The following UNC5D variants were observed in gnomAD, a reference collection of about 807,000 sequenced individuals.
UNC5D encodes netrin receptor UNC5D.
UNC5D carries 39 observed loss-of-function variants against 105.4 expected under a neutral mutation model. That is an observed-to-expected ratio of 0.37 (90% CI 0.29 to 0.48). The LOEUF (loss-of-function observed/expected upper bound fraction) is 0.48. UNC5D is among the 20% of genes least tolerant of loss of function. The probability of loss-of-function intolerance (pLI) is 0.98; values close to 1 mark genes in which losing one functional copy is unlikely to be tolerated. For synonymous variants in UNC5D, 452 were observed against 450.4 expected, an observed-to-expected ratio of 1.00 and a Z score of -0.04; for missense variants, 991 against 1,202.4, an observed-to-expected ratio of 0.82 and a Z score of 2.60.
At chr8:35,554,792 T>A (rs1322117642) in intron 2 of UNC5D, among the ~76,000 whole-genome samples, 1 of 152,188 alleles carries the variant, frequency 6.6e-6, no homozygotes, top group East Asian at 1.9e-4. Flanking sequence ...AGTGAAATAA[T>A]GTGTATTCCA....
Position 35,274,941 on chromosome 8 carries a change from A to G in UNC5D, c.103+39054A>G, listed in dbSNP as rs543336850. Among the ~76,000 whole-genome samples, 96 of 152,030 alleles carry G rather than the reference A, an allele frequency of 6.3e-4. 1 individual carries two copies. Among genetic ancestry groups the G allele is most frequent in the African/African-American group, 2.2e-3 (91 of 41,500 alleles). Reference sequence around the variant, plus strand: ...CCCGTCTCTCCTAAAAATACAAAAAATTGGCTGGGCGTAGTGGCAGGTGCC... The same window carrying G: ...CCCGTCTCTCCTAAAAATACAAAAAGTTGGCTGGGCGTAGTGGCAGGTGCC... On this transcript the variant is annotated intron_variant, in intron 1 of 16. Coordinates refer to ENST00000404895, the MANE Select transcript of UNC5D (RefSeq NM_080872.4).
chr8:35,358,929 G>A (rs1801708371), intron 1 of UNC5D, among the ~76,000 whole-genome samples: 2 of 152,294 alleles, frequency 1.3e-5, no homozygotes, highest in East Asian at 1.9e-4. Flanking sequence ...TTAAGAATTG[G>A]TATATTTAAA....
intron 16 of UNC5D, among the ~76,000 whole-genome samples, chr8:35,777,687 A>C (rs1253421157): frequency 6.6e-6 from 1 of 152,206 alleles, no homozygotes; most frequent in East Asian, 1.9e-4. Flanking sequence ...TCTGTAAACA[A>C]ATAGATATGA....
At chr8:35,763,889 C>G (rs928975262) in intron 14 of UNC5D, among the ~76,000 whole-genome samples, 8 of 152,124 alleles carry the variant, frequency 5.3e-5, no homozygotes, top group African/African-American at 1.2e-4. Context: ...TGTGGTCTCC[C>G]AAGCAAAGGA....
At chr8:35,624,998 A>G (rs1014427980) in intron 4 of UNC5D, among the ~76,000 whole-genome samples, 2 of 152,110 alleles carry the variant, frequency 1.3e-5, no homozygotes. Context: ...TTGAACATGC[A>G]TATGTGTGTG....
chr8:35,361,173 G>A (rs1035261080), intron 1 of UNC5D, among the ~76,000 whole-genome samples: 3 of 152,066 alleles, frequency 2.0e-5, no homozygotes, highest in African/African-American at 7.2e-5. Context: ...CTAATGAAAT[G>A]GGAAGAGCTT....
chr8:35,621,991 C>T (rs1038190469), intron 4 of UNC5D, among the ~76,000 whole-genome samples: 1 of 152,210 alleles, frequency 6.6e-6, no homozygotes, highest in Non-Finnish European at 1.5e-5. Context: ...GGAGATACTA[C>T]TGTTCCTACT....
chr8:35,468,094 T>C (rs1462642151), intron 1 of UNC5D, among the ~76,000 whole-genome samples: 1 of 152,198 alleles, frequency 6.6e-6, no homozygotes, highest in Non-Finnish European at 1.5e-5. Context: ...ATGAATTAGA[T>C]AAATTTCTCA....
rs760838455 is a variant in UNC5D at position 35,322,488 on chromosome 8, T to C, written c.103+86601T>C. On this transcript the variant is annotated intron_variant, in intron 1 of 16. Coordinates refer to ENST00000404895, the MANE Select transcript of UNC5D (RefSeq NM_080872.4). ...GCATGTGCTTTGAGTCCATCTCTTC[T>C]ACCTACAGTCTCATGTTCCTTGTGT... Among the ~76,000 whole-genome samples, 8 of 152,178 alleles carry C rather than the reference T, an allele frequency of 5.3e-5. No individual in the cohort carries two copies. In the South Asian group the frequency reaches 6.2e-4, roughly 12 times the overall value.
At chr8:35,414,849 G>C (rs1428687857) in intron 1 of UNC5D, among the ~76,000 whole-genome samples, 2 of 151,980 alleles carry the variant, frequency 1.3e-5, no homozygotes, top group Non-Finnish European at 2.9e-5. Flanking sequence ...TTCTTTTTCA[G>C]TCCCAGTAGT....
At chr8:35,776,720 C>G (rs148612412) in intron 16 of UNC5D, among the ~76,000 whole-genome samples, 2 of 152,254 alleles carry the variant, frequency 1.3e-5, no homozygotes, top group Admixed American at 1.3e-4. Context: ...ACAGAGAACC[C>G]AGAATATGTA....
intron 1 of UNC5D, among the ~76,000 whole-genome samples, chr8:35,242,503 G>A (rs1802863086): frequency 6.6e-6 from 1 of 151,980 alleles, no homozygotes; most frequent in Admixed American, 6.6e-5. Context: ...TTTTGAGATG[G>A]GATCTCGCTC....
chr8:35,438,189 C>G (rs558960498), intron 1 of UNC5D, among the ~76,000 whole-genome samples: 2 of 151,912 alleles, frequency 1.3e-5, no homozygotes, highest in Admixed American at 1.3e-4. Context: ...GTAAGGAGAC[C>G]GACTCCAGAC....
chr8:35,492,656 G>T (rs1811287401), intron 1 of UNC5D, among the ~76,000 whole-genome samples: 1 of 152,026 alleles, frequency 6.6e-6, no homozygotes, highest in South Asian at 2.1e-4. Context: ...ACTCAAAGAA[G>T]GGCCAGATGG....
chr8:35,658,899 C>T (rs1479148552), intron 4 of UNC5D, among the ~76,000 whole-genome samples: 1 of 152,126 alleles, frequency 6.6e-6, no homozygotes, highest in Non-Finnish European at 1.5e-5. Flanking sequence ...TCATGATCCG[C>T]CGGCCTCGGC....
chr8:35,520,111 G>A (rs999654262), intron 1 of UNC5D, among the ~76,000 whole-genome samples: 1 of 151,964 alleles, frequency 6.6e-6, no homozygotes, highest in African/African-American at 2.4e-5. Flanking sequence ...GTAAAATCTC[G>A]TTCATGAAGA....
intron 1 of UNC5D, among the ~76,000 whole-genome samples, chr8:35,264,167 A>G (rs1254019051): frequency 6.6e-6 from 1 of 152,246 alleles, no homozygotes; most frequent in African/African-American, 2.4e-5. Flanking sequence ...GCTATCGCAT[A>G]TAAAGACTAA....
At chr8:35,609,352 G>A (rs923925387) in intron 4 of UNC5D, among the ~76,000 whole-genome samples, 1 of 152,114 alleles carries the variant, frequency 6.6e-6, no homozygotes, top group Admixed American at 6.6e-5. Context: ...GGATGCTACC[G>A]TTATCTGTGC....
intron 1 of UNC5D, among the ~76,000 whole-genome samples, chr8:35,540,666 A>G (rs961962358): frequency 6.6e-6 from 1 of 152,192 alleles, no homozygotes; most frequent in Non-Finnish European, 1.5e-5. Context: ...AAATCACTGT[A>G]TGTTTCCATT....
Sources: gnomAD v4.1 joint callset for allele counts (sites outside exome capture counted in the v4.1 genomes callset) on GRCh38, gnomAD v4.1.1 for gene constraint, MANE v1.5 for transcripts, NCBI Gene and HGNC (gene_info 2026-07-23, HGNC 2026-07-21) for gene names.